The following FOXE1 variants were observed in gnomAD, a reference collection of about 807,000 sequenced individuals.
FOXE1 encodes the protein forkhead box protein E1.
FOXE1 carries 4 observed loss-of-function variants against 2.1 expected under a neutral mutation model. The observed-to-expected ratio is 1.91, with a 90% CI of 0.94 to 4.37. FOXE1 has a LOEUF of 4.37. FOXE1 is among the 30% of genes most tolerant of loss of function. The pLI, the probability that FOXE1 is intolerant of heterozygous loss-of-function variation, is 0.01. For missense variants in FOXE1, 574 were observed against 583.3 expected (o/e 0.98, Z 0.16); for synonymous variants, 277 against 272.4 (o/e 1.02, Z -0.17).
chr9:97,856,274 G>A lies in FOXE1; in HGVS notation c.*1238G>A, dbSNP rs563978935. On this transcript the variant is annotated 3_prime_UTR_variant, in exon 1 of 1. Coordinates refer to ENST00000375123, the MANE Select transcript of FOXE1 (RefSeq NM_004473.4). ...ATTTTGTATCTTGCTTAAGTAGCAG[G>A]CTCACTAAAATTAGAGAAAGTCCAA... 6.0e-6 allele frequency: 1 copy of A among 167,192 alleles called. No individual in the cohort carries two copies. Among genetic ancestry groups the A allele is most frequent in the African/African-American group, 2.4e-5 (1 of 41,554 alleles). 10.4% of individuals were successfully genotyped at this position (167,192 alleles called of 1,614,324 possible).
chr9:97,855,050 C>T lies in FOXE1; in HGVS notation c.*14C>T, dbSNP rs776856131. ...TCCGCCATGTGAGCCAGCGTAGGGA[C>T]GAAAACTCATAGACACATCGGCTGT... On this transcript the variant is annotated 3_prime_UTR_variant, in exon 1 of 1. Transcript: ENST00000375123. The T allele has an allele frequency of 3.0e-5, 48 of 1,612,540 alleles. No homozygotes were observed. The highest frequency in any genetic ancestry group is 3.8e-5 in the Non-Finnish European group (45 of 1,179,958).
rs1253569554 is a variant in FOXE1 at position 97,853,479 on chromosome 9, C to G, written c.-436C>G. On this transcript the variant is annotated 5_prime_UTR_variant, in exon 1 of 1. Coordinates refer to ENST00000375123, the MANE Select transcript of FOXE1 (RefSeq NM_004473.4). ...CTGGCCTTCGAGCCCGAAGCCTCTT[C>G]TGCGCGCACAACCTAGGCAGTAATC... 5.9e-6 allele frequency: 1 copy of G among 168,316 alleles called. No homozygotes were observed. Among genetic ancestry groups the G allele is most frequent in the Non-Finnish European group, 1.3e-5 (1 of 79,192 alleles). The allele number at this position is 168,316 out of a possible 1,614,324, so 10.4% of individuals were successfully genotyped here.
Position 97,853,892 on chromosome 9 carries a change from CG to C in FOXE1, c.-18del, listed in dbSNP as rs1205550642. On this transcript the variant is annotated 5_prime_UTR_variant, in exon 1 of 1. Transcript: ENST00000375123. ...CCGACAGCCGCGGGGATCCAGAGCC[CG>C]GGGGTGCGGGACGCCCGCGCCATGA... 2 of 1,269,620 alleles carry C rather than the reference CG, an allele frequency of 1.6e-6. No individual in the cohort carries two copies. Among genetic ancestry groups the C allele is most frequent in the South Asian group, 3.0e-5 (1 of 33,636 alleles). 78.6% of individuals were successfully genotyped at this position (1,269,620 alleles called of 1,614,324 possible). A position where few individuals can be genotyped will look rare whatever the true frequency, so the allele number is the denominator to read the frequency against.
At position 97,853,463 on chromosome 9, in the gene FOXE1, G is replaced by C. The variant is rs1830617331; in HGVS notation, c.-452G>C. 1 of 160,796 alleles carries C rather than the reference G, an allele frequency of 6.2e-6. No homozygotes were observed. The highest frequency in any genetic ancestry group is 1.3e-5 in the Non-Finnish European group (1 of 74,116). The allele number at this position is 160,796 out of a possible 1,614,324, so 10.0% of individuals were successfully genotyped here. On this transcript the variant is annotated 5_prime_UTR_variant, in exon 1 of 1. Transcript: ENST00000375123. ...ACTAACTGCCCTCGCTCTGGCCTTC[G>C]AGCCCGAAGCCTCTTCTGCGCGCAC...
At position 97,856,200 on chromosome 9, in the gene FOXE1, A is replaced by G. The variant is rs897655897; in HGVS notation, c.*1164A>G. 6.0e-6 allele frequency: 1 copy of G among 167,028 alleles called. No homozygotes were observed. Among genetic ancestry groups the G allele is most frequent in the African/African-American group, 2.4e-5 (1 of 41,462 alleles). 10.3% of individuals were successfully genotyped at this position (167,028 alleles called of 1,614,324 possible). ...AAAAAGGAAAGAGAAAAATTAAGTT[A>G]GGGCAGTCAGTAAAGTGAGCTTTAG... On this transcript the variant is annotated 3_prime_UTR_variant, in exon 1 of 1. Transcript: ENST00000375123.
Position 97,854,645 on chromosome 9 carries a change from G to T in FOXE1, c.731G>T (p.Gly244Val). 1 of 1,395,020 alleles carries T rather than the reference G, an allele frequency of 7.2e-7. No individual in the cohort carries two copies. The highest frequency in any genetic ancestry group is 9.2e-7 in the Non-Finnish European group (1 of 1,083,086). The allele number at this position is 1,395,020 out of a possible 1,614,324, so 86.4% of individuals were successfully genotyped here. ...CTGGGGCCCGCACCGTCGGGGCCCG[G>T]CGGCTCTTGCGCCTTTGCCTCCGCC... ...PELGPAPSGPGGSCAFASAGA... is the reference protein window; with the variant it reads ...PELGPAPSGPVGSCAFASAGA... The change falls in exon 1 of 1, where the codon GGC becomes GTC. Residue 244 changes from glycine (G) to valine (V), a missense_variant. By Grantham distance (109) the Gly-to-Val change is moderately radical. Around this residue, in one of 3 missense-constraint regions of FOXE1, gnomAD observed 316 missense variants for 288.4 expected, o/e 1.10. Transcript: ENST00000375123.
At position 97,855,159 on chromosome 9, in the gene FOXE1, A is replaced by T; in HGVS notation, c.*123A>T. ...CCACGTGGAAAAGACCGAGCAGGCC[A>T]CAGAGGCTCGGTCTCCCCGCGCACA... On this transcript the variant is annotated 3_prime_UTR_variant, in exon 1 of 1. Coordinates refer to ENST00000375123, the MANE Select transcript of FOXE1 (RefSeq NM_004473.4). 1 of 1,268,028 alleles carries T rather than the reference A, an allele frequency of 7.9e-7. No homozygotes were observed. Among genetic ancestry groups the T allele is most frequent in the South Asian group, 1.3e-5 (1 of 78,172 alleles). The allele number at this position is 1,268,028 out of a possible 1,614,324, so 78.5% of individuals were successfully genotyped here. A position where few individuals can be genotyped will look rare whatever the true frequency, so the allele number is the denominator to read the frequency against.
Position 97,854,839 on chromosome 9 carries a change from C to G in FOXE1, c.925C>G (p.Pro309Ala). The change falls in exon 1 of 1, where the codon CCC (proline) becomes GCC (alanine). Residue 309 changes from proline to alanine, a missense_variant. Pro to Ala is a conservative substitution (Grantham distance 27, BLOSUM62 -1). Transcript: ENST00000375123. ...AAGRLAGPAS[P>A]PAGGSSGGVE... is the part of the protein sequence containing the mutation. ...TGGCCGCCTGGCGGGACCCGCTTCG[C>G]CCCCAGCGGGCGGCAGCAGTGGCGG... 6.5e-7 allele frequency: 1 copy of G among 1,546,356 alleles called. No homozygotes were observed.
In FOXE1 at chr9:97,853,816, C is replaced by A; in HGVS notation, c.-99C>A. 3 of 1,077,178 alleles carry A rather than the reference C, an allele frequency of 2.8e-6. No homozygotes were observed. The highest frequency in any genetic ancestry group is 3.5e-6 in the Non-Finnish European group (3 of 850,982). 66.7% of individuals were successfully genotyped at this position (1,077,178 alleles called of 1,614,324 possible). Reference sequence around the variant, plus strand: ...GCCCGCGACGATCCCCTGAGCTCTCCGCAGAAGGGCCGAGCGTCCGTTCCG... The same window carrying A: ...GCCCGCGACGATCCCCTGAGCTCTCAGCAGAAGGGCCGAGCGTCCGTTCCG... On this transcript the variant is annotated 5_prime_UTR_variant, in exon 1 of 1. Coordinates refer to ENST00000375123, the MANE Select transcript of FOXE1 (RefSeq NM_004473.4).
rs759493730 is a variant in FOXE1, at chr9:97,854,286, C to A, written c.372C>A (p.Gly124=). Residue 124 remains glycine (G), a synonymous_variant, in exon 1 of 1, where the codon GGC becomes GGA. Transcript: ENST00000375123. The stretch of plus-strand genomic sequence containing the variant: ...GCGAGGCCGGCCGCCCGGGTAAGGG[C>A]AACTACTGGGCGCTTGACCCCAACG... ...IPREAGRPGK[G]NYWALDPNAE... is the part of the protein sequence containing the mutation. 20 of 1,612,510 alleles carry A rather than the reference C, an allele frequency of 1.2e-5. No individual in the cohort carries two copies. Among genetic ancestry groups the A allele is most frequent in the Non-Finnish European group, 1.7e-5 (20 of 1,179,550 alleles).
rs1338194321 is a variant in FOXE1, at chr9:97,854,313, G to A, written c.399G>A (p.Ala133=). The part of the protein sequence containing the change: ...KGNYWALDPN[A]EDMFESGSFL... ...ACTACTGGGCGCTTGACCCCAACGC[G>A]GAGGACATGTTCGAGAGCGGCAGCT... The change falls in exon 1 of 1, where the codon GCG becomes GCA. Residue 133 remains alanine, a synonymous_variant. Coordinates refer to ENST00000375123, the MANE Select transcript of FOXE1 (RefSeq NM_004473.4). 15 of 1,609,826 alleles carry A rather than the reference G, an allele frequency of 9.3e-6. No individual in the cohort carries two copies. Among genetic ancestry groups the A allele is most frequent in the Non-Finnish European group, 1.2e-5 (14 of 1,178,234 alleles).
chr9:97,853,271 A>G lies in FOXE1; in HGVS notation c.-644A>G, dbSNP rs13302470. The G allele has an allele frequency of 0.63, 96,463 of 152,308 alleles. 30,842 individuals carry two copies. Among genetic ancestry groups the G allele is most frequent in the East Asian group, 0.89 (4,553 of 5,136 alleles). 9.4% of individuals were successfully genotyped at this position (152,308 alleles called of 1,614,324 possible). A position where few individuals can be genotyped will look rare whatever the true frequency, so the allele number is the denominator to read the frequency against. On this transcript the variant is annotated 5_prime_UTR_variant, in exon 1 of 1. Coordinates refer to ENST00000375123, the MANE Select transcript of FOXE1 (RefSeq NM_004473.4). ...GGGGAGCGCCTCGCCAGCGGTCCGC[A>G]GGGCTGGAGACCCACGCCGTGGAGA...
chr9:97,855,865 A>G lies in FOXE1; in HGVS notation c.*829A>G, dbSNP rs756807798. On this transcript the variant is annotated 3_prime_UTR_variant, in exon 1 of 1. Transcript: ENST00000375123. ...GAGTTCATGGCCAAGCGTCTAACCT[A>G]AAGTCCCAGGATTGGCTCCAGGCAG... The G allele has an allele frequency of 2.4e-5, 4 of 167,102 alleles. No homozygotes were observed. The highest frequency in any genetic ancestry group is 6.5e-5 in the Admixed American group (1 of 15,286). 10.4% of individuals were successfully genotyped at this position (167,102 alleles called of 1,614,324 possible).
rs532218005 is a variant in FOXE1, at chr9:97,854,400, C to G, written c.486C>G (p.His162Gln). ...SDLSTYPAYM[H>Q]DAAAAAAAAA... Reference sequence around the variant, plus strand: ...TCTCCACCTACCCGGCTTACATGCACGACGCGGCGGCTGCCGCAGCCGCCG... The same window carrying G: ...TCTCCACCTACCCGGCTTACATGCAGGACGCGGCGGCTGCCGCAGCCGCCG... Residue 162 changes from histidine (H) to glutamine (Q), a missense_variant, in exon 1 of 1, where the codon CAC becomes CAG. By Grantham distance (24) the His-to-Gln change is conservative. Coordinates refer to ENST00000375123, the MANE Select transcript of FOXE1 (RefSeq NM_004473.4). 13 of 1,359,992 alleles carry G rather than the reference C, an allele frequency of 9.6e-6. No individual in the cohort carries two copies. In the South Asian group the frequency reaches 2.6e-4, roughly 27 times the overall value. The allele number at this position is 1,359,992 out of a possible 1,614,324, so 84.2% of individuals were successfully genotyped here. A position where few individuals can be genotyped will look rare whatever the true frequency, so the allele number is the denominator to read the frequency against.
chr9:97,853,738 G>A lies in FOXE1; in HGVS notation c.-177G>A. On this transcript the variant is annotated 5_prime_UTR_variant, in exon 1 of 1. Transcript: ENST00000375123. Reference sequence around the variant, plus strand: ...CTGCACCGCGCCAGCCCCAGACCACGGACGCTGAGCCTCCAGCGCGTGCCA... The same window carrying A: ...CTGCACCGCGCCAGCCCCAGACCACAGACGCTGAGCCTCCAGCGCGTGCCA... 1 of 453,454 alleles carries A rather than the reference G, an allele frequency of 2.2e-6. No homozygotes were observed. Among genetic ancestry groups the A allele is most frequent in the Non-Finnish European group, 3.5e-6 (1 of 285,126 alleles). The allele number at this position is 453,454 out of a possible 1,614,324, so 28.1% of individuals were successfully genotyped here.
rs531484350 is a variant in FOXE1, at chr9:97,853,736, A to T, written c.-179A>T. 1.0e-3 allele frequency: 445 copies of T among 444,994 alleles called. 2 individuals carry two copies. The highest frequency in any genetic ancestry group is 8.3e-3 in the African/African-American group (405 of 48,594). The allele number at this position is 444,994 out of a possible 1,614,324, so 27.6% of individuals were successfully genotyped here. On this transcript the variant is annotated 5_prime_UTR_variant, in exon 1 of 1. Coordinates refer to ENST00000375123, the MANE Select transcript of FOXE1 (RefSeq NM_004473.4). ...GTCTGCACCGCGCCAGCCCCAGACC[A>T]CGGACGCTGAGCCTCCAGCGCGTGC...
chr9:97,854,912 T>A lies in FOXE1; in HGVS notation c.998T>A (p.Phe333Tyr), dbSNP rs771907788. ...DFYGRTSPGQ[F>Y]GALGACYNPG... Reference sequence around the variant, plus strand: ...TACGGGCGCACGTCGCCCGGCCAGTTCGGAGCGCTGGGAGCCTGCTACAAC... The same window carrying A: ...TACGGGCGCACGTCGCCCGGCCAGTACGGAGCGCTGGGAGCCTGCTACAAC... Residue 333 changes from phenylalanine (F) to tyrosine (Y), a missense_variant, in exon 1 of 1, where the codon TTC (phenylalanine) becomes TAC (tyrosine). Phe to Tyr is a conservative substitution (Grantham distance 22, BLOSUM62 3). Coordinates refer to ENST00000375123, the MANE Select transcript of FOXE1 (RefSeq NM_004473.4). 1.1e-5 allele frequency: 18 copies of A among 1,599,320 alleles called. No individual in the cohort carries two copies. Among genetic ancestry groups the A allele is most frequent in the Non-Finnish European group, 1.4e-5 (17 of 1,179,502 alleles).
Position 97,854,029 on chromosome 9 carries a change from G to GGGGC in FOXE1, c.126_129dup (p.Arg44AlafsTer81). The stretch of plus-strand genomic sequence containing the variant: ...GGTCCCAGGGGAGGCCACGGGCCGC[G>GGGGC]GGGCGGGCGGGCGGCGCCGCAAGCG... On this transcript the variant is annotated frameshift_variant, in exon 1 of 1. Coordinates refer to ENST00000375123, the MANE Select transcript of FOXE1 (RefSeq NM_004473.4). LOFTEE classifies it low-confidence loss of function (END_TRUNC). 2.8e-6 allele frequency: 4 copies of GGGGC among 1,425,198 alleles called. No individual in the cohort carries two copies. The highest frequency in any genetic ancestry group is 3.7e-6 in the Non-Finnish European group (4 of 1,093,566). 88.3% of individuals were successfully genotyped at this position (1,425,198 alleles called of 1,614,324 possible).
rs751126445 is a variant in FOXE1 at position 97,855,088 on chromosome 9, C to T, written c.*52C>T. 9.4e-6 allele frequency: 15 copies of T among 1,599,040 alleles called. No homozygotes were observed. In the Admixed American group the frequency reaches 1.5e-4, roughly 16 times the overall value. ...ACACATCGGCTGTTCACACGTTCCC[C>T]GCAATCTGAGAACGAACAGGAATGG... is the stretch of plus-strand genomic sequence containing the variant. On this transcript the variant is annotated 3_prime_UTR_variant, in exon 1 of 1. Coordinates refer to ENST00000375123, the MANE Select transcript of FOXE1 (RefSeq NM_004473.4).
Sources: allele counts gnomAD v4.1 joint callset, GRCh38; gene constraint gnomAD v4.1.1; regional missense constraint gnomAD v4.1.1; transcripts MANE v1.5; gene names NCBI Gene and HGNC (gene_info 2026-07-23, HGNC 2026-07-21).